CFAP54: variants seen among roughly 807,000 people sequenced by gnomAD.
CFAP54 encodes the protein cilia- and flagella-associated protein 54.
CFAP54 carries 290 observed loss-of-function variants against 370.4 expected under a neutral mutation model. That is an observed-to-expected ratio of 0.78 (90% CI 0.71 to 0.86). The LOEUF is 0.86. CFAP54 is among the 40% of genes least tolerant of loss of function. The pLI, the probability that CFAP54 is intolerant of heterozygous loss-of-function variation, is 0.00. For missense variants in CFAP54, 3,399 were observed against 3,528.7 expected (o/e 0.96, Z 0.93); for synonymous variants, 1,206 against 1,236.5 (o/e 0.98, Z 0.52).
chr12:96,856,740 A>T (rs2136459379), intron 66 of CFAP54, among the ~76,000 whole-genome samples: 1 of 152,246 alleles, frequency 6.6e-6, no homozygotes, highest in Non-Finnish European at 1.5e-5. Flanking sequence ...GAAGTTCCTA[A>T]CTTTTCCATA....
intron 8 of CFAP54, among the ~76,000 whole-genome samples, chr12:96,525,741 A>T (rs573191014): frequency 6.6e-6 from 1 of 152,330 alleles, no homozygotes; most frequent in East Asian, 1.9e-4. Context: ...CCTAGGCTGT[A>T]GTGCAATGGC....
rs1482455201 is a variant in CFAP54, at chr12:96,548,391, G to A, written c.2154+413G>A. 2.6e-5 allele frequency among the ~76,000 whole-genome samples: 4 copies of A among 152,092 alleles called. No individual in the cohort carries two copies. The South Asian group carries it at 8.3e-4, about 32-fold the overall frequency. ...GACTTTACTTGGTTTTTAATAACAT[G>A]CCACCCCCCCTCACATTTATATTTG... is the stretch of plus-strand genomic sequence containing the variant. On this transcript the variant is annotated intron_variant, in intron 15 of 67. Transcript: ENST00000524981.
At chr12:96,822,702 C>T (rs751541151) in intron 65 of CFAP54, among the ~76,000 whole-genome samples, 5 of 152,172 alleles carry the variant, frequency 3.3e-5, no homozygotes, top group East Asian at 3.8e-4. Flanking sequence ...TGAAAATAAT[C>T]TAAATCTTTC....
intron 39 of CFAP54, among the ~76,000 whole-genome samples, chr12:96,677,159 C>T (rs1196781290): frequency 6.7e-6 from 1 of 149,834 alleles, no homozygotes; most frequent in Admixed American, 6.7e-5. Flanking sequence ...CATGCCCCTG[C>T]ACCCAGCTAA....
At chr12:96,821,806 A>G (rs998639940) in intron 65 of CFAP54, among the ~76,000 whole-genome samples, 10 of 152,082 alleles carry the variant, frequency 6.6e-5, no homozygotes, top group African/African-American at 2.4e-4. Flanking sequence ...GGAGCTAATT[A>G]GAAGTTAAGT....
At chr12:96,628,381 G>C (rs1446034371) in intron 30 of CFAP54, among the ~76,000 whole-genome samples, 5 of 152,226 alleles carry the variant, frequency 3.3e-5, no homozygotes, top group Admixed American at 1.3e-4. Context: ...AGGTTCTGCT[G>C]TGCGTGGAGG....
At chr12:96,534,267 G>T in intron 11 of CFAP54, 40 bp downstream of exon 11, 7 of 1,128,956 alleles carry the variant, frequency 6.2e-6, no homozygotes, top group Non-Finnish European at 8.7e-6. Context: ...TTAGTTTGAC[G>T]AAATATGCTC....
intron 55 of CFAP54, among the ~76,000 whole-genome samples, chr12:96,752,085 T>TGAGAGACAGA (rs1555318323): frequency 4.4e-5 from 4 of 90,624 alleles, no homozygotes; most frequent in African/African-American, 1.6e-4. Context: ...TCTTCCTGGA[T>TGAGAGACAGA]GAGAGAGAGA....
At chr12:96,538,724 G>T in intron 13 of CFAP54, 9 of 526,014 alleles carry the variant, frequency 1.7e-5, no homozygotes, top group South Asian at 2.6e-5. Flanking sequence ...TTCTAATTTT[G>T]TTTGTTGTGA....
rs1957386386 is a variant in CFAP54 at position 96,691,399 on chromosome 12, T to C, written c.6264+89T>C. On this transcript the variant is annotated intron_variant, in intron 44 of 67. Transcript: ENST00000524981. ...TTTTAAAATTTTGCTAATGTTCTTTTGGTCAGTTACTGTTTAACTTTTAAA... is the reference window on the plus strand; with the variant it reads ...TTTTAAAATTTTGCTAATGTTCTTTCGGTCAGTTACTGTTTAACTTTTAAA... 4 of 915,534 alleles carry C rather than the reference T, an allele frequency of 4.4e-6. No individual in the cohort carries two copies. The South Asian group carries it at 7.7e-5, about 18-fold the overall frequency. 56.7% of individuals were successfully genotyped at this position (915,534 alleles called of 1,614,324 possible).
chr12:96,649,611 A>G (rs1956835852), intron 34 of CFAP54, among the ~76,000 whole-genome samples: 1 of 152,212 alleles, frequency 6.6e-6, no homozygotes, highest in South Asian at 2.1e-4. Context: ...AAACATGTAC[A>G]TTCCTACTTC....
Position 96,764,233 on chromosome 12 carries a change from TA to T in CFAP54, c.8125del (p.Arg2709GlufsTer106), listed in dbSNP as rs1339301653. ...EMYSSLAWIA[I>X]RAAAQVSEAV... ...TACAGTTCATTAGCCTGGATTGCAA[TA>T]AGAGCTGCTGCACAGGTTGGTGTGA... On this transcript the variant is annotated frameshift_variant, in exon 59 of 68. Transcript: ENST00000524981. LOFTEE classifies it high-confidence loss of function. The T allele has an allele frequency of 6.2e-7, 1 of 1,612,250 alleles. No individual in the cohort carries two copies. Among genetic ancestry groups the T allele is most frequent in the Non-Finnish European group, 8.5e-7 (1 of 1,178,812 alleles).
At chr12:96,515,912 G>GTTTTT (rs71437221) in intron 5 of CFAP54, among the ~76,000 whole-genome samples, 33 of 108,246 alleles carry the variant, frequency 3.0e-4, no homozygotes, top group South Asian at 6.3e-4. Context: ...TTACCTCTAT[G>GTTTTT]TTTTTTTTTT....
At chr12:96,628,029 C>T (rs1177730127) in intron 30 of CFAP54, among the ~76,000 whole-genome samples, 1 of 152,168 alleles carries the variant, frequency 6.6e-6, no homozygotes, top group African/African-American at 2.4e-5. Context: ...CTACAGCGTT[C>T]AGTATAGTAA....
At position 96,490,919 on chromosome 12, in the gene CFAP54, A is replaced by G. The variant is rs549240459; in HGVS notation, c.317+993A>G. Among the ~76,000 whole-genome samples, 94 of 152,122 alleles carry G rather than the reference A, an allele frequency of 6.2e-4. 1 individual carries two copies. The highest frequency in any genetic ancestry group is 1.4e-3 in the Admixed American group (22 of 15,264). On this transcript the variant is annotated intron_variant, in intron 1 of 67. Coordinates refer to ENST00000524981, the MANE Select transcript of CFAP54 (RefSeq NM_001306084.2). Reference sequence around the variant, plus strand: ...ATAATCTTACAAGGAGATGACTGCTAGGGAGAAAAATAGAACAGGGAATGG... The same window carrying G: ...ATAATCTTACAAGGAGATGACTGCTGGGGAGAAAAATAGAACAGGGAATGG...
rs763396412 is a variant in CFAP54 at position 96,651,772 on chromosome 12, T to A, written c.5057T>A (p.Leu1686His). 1 of 1,612,510 alleles carries A rather than the reference T, an allele frequency of 6.2e-7. No homozygotes were observed. The highest frequency in any genetic ancestry group is 8.5e-7 in the Non-Finnish European group (1 of 1,178,520). The stretch of plus-strand genomic sequence containing the variant: ...CCATTCTATTTGGGAGCAGAATTAC[T>A]TATTGACATGTTAATACAACTACAA... ...VLPFYLGAEL[L>H]IDMLIQLQNT... Residue 1686 changes from leucine (L) to histidine (H), a missense_variant, in exon 36 of 68, where the codon CTT becomes CAT. Leu to His is a moderately conservative substitution (Grantham distance 99, BLOSUM62 -3). Transcript: ENST00000524981.
chr12:96,619,802 C>G (rs1956464651), intron 26 of CFAP54, among the ~76,000 whole-genome samples: 1 of 152,136 alleles, frequency 6.6e-6, no homozygotes, highest in African/African-American at 2.4e-5. Flanking sequence ...TAGCTCAATT[C>G]TATTTCCTTA....
intron 50 of CFAP54, among the ~76,000 whole-genome samples, chr12:96,728,106 A>T (rs1957866040): frequency 6.6e-6 from 1 of 152,136 alleles, no homozygotes; most frequent in South Asian, 2.1e-4. Context: ...GGCTGCCCTT[A>T]ACATTTCTCC....
At chr12:96,499,978 AAAAC>A (rs1246691589) in intron 1 of CFAP54, among the ~76,000 whole-genome samples, 6 of 150,890 alleles carry the variant, frequency 4.0e-5, no homozygotes, top group African/African-American at 1.5e-4. Context: ...AAAACAAAAC[AAAAC>A]AAAAAAAACC....
Sources: allele counts gnomAD v4.1 joint callset (sites outside exome capture counted in the v4.1 genomes callset), GRCh38; gene constraint gnomAD v4.1.1; transcripts MANE v1.5; gene names NCBI Gene and HGNC (gene_info 2026-07-23, HGNC 2026-07-21).